Variants in CHD7 observed in about 807,000 individuals in gnomAD.
CHD7 encodes chromodomain helicase DNA binding protein 7.
A neutral mutation model predicts 307.3 loss-of-function variants in CHD7; 24 were observed. The observed-to-expected ratio is 0.08, with a 90% CI of 0.06 to 0.11. The LOEUF (loss-of-function observed/expected upper bound fraction) is 0.11, where lower values mean the gene tolerates loss of function less well. Among genes scored for constraint, CHD7 ranks in the 10% least tolerant of loss-of-function variants. The pLI, the probability that CHD7 is intolerant of heterozygous loss-of-function variation, is 1.00. For missense variants in CHD7, 3,106 were observed against 3,727.1 expected (o/e 0.83, Z 4.34); for synonymous variants, 1,363 against 1,349.9 (o/e 1.01, Z -0.21).
At chr8:60,793,933 A>G (rs575297314) in intron 3 of CHD7, among the ~76,000 whole-genome samples, 16 of 152,224 alleles carry the variant, frequency 1.1e-4, no homozygotes, top group African/African-American at 3.9e-4. Flanking sequence ...GACCAGCATG[A>G]CCAACATGGT....
chr8:60,719,419 G>C (rs778533492), intron 1 of CHD7, among the ~76,000 whole-genome samples: 2 of 152,086 alleles, frequency 1.3e-5, no homozygotes, highest in African/African-American at 2.4e-5. Context: ...TATTTGAAAC[G>C]TGTGGGGGCT....
intron 2 of CHD7, among the ~76,000 whole-genome samples, chr8:60,746,956 T>C (rs1809357681): frequency 6.6e-6 from 1 of 152,240 alleles, no homozygotes. Context: ...ATCTCAGACC[T>C]CTACACATTC....
chr8:60,862,522 A>G, intron 36 of CHD7, 26 bp from the exon 37 acceptor site: 1 of 1,546,918 alleles, frequency 6.5e-7, no homozygotes, highest in Non-Finnish European at 8.8e-7. Flanking sequence ...TGTGTTTTTA[A>G]TCATTTGTCA....
chr8:60,841,586 T>G, intron 19 of CHD7, 58 bp from the exon 20 acceptor site: 2 of 1,353,454 alleles, frequency 1.5e-6, no homozygotes, highest in Non-Finnish European at 2.1e-6. Context: ...AAAAGCTGCT[T>G]TACATTCTGC....
At chr8:60,806,021 C>CT (rs922314364) in intron 6 of CHD7, among the ~76,000 whole-genome samples, 28 of 152,170 alleles carry the variant, frequency 1.8e-4, no homozygotes, top group African/African-American at 6.7e-4. Flanking sequence ...CATCTACCAT[C>CT]TTTTTGTCTT....
chr8:60,835,435 G>T (rs1804699142), intron 15 of CHD7, among the ~76,000 whole-genome samples: 1 of 152,142 alleles, frequency 6.6e-6, no homozygotes, highest in Non-Finnish European at 1.5e-5. Flanking sequence ...TAGAATTTTT[G>T]TATCTTAGGA....
intron 1 of CHD7, among the ~76,000 whole-genome samples, chr8:60,706,575 A>C (rs1325224096): frequency 6.6e-6 from 1 of 152,190 alleles, no homozygotes; most frequent in Non-Finnish European, 1.5e-5. Flanking sequence ...TAATTATTGA[A>C]TACTCAGAAG....
chr8:60,764,416 G>A (rs1810370932), intron 2 of CHD7, among the ~76,000 whole-genome samples: 1 of 152,156 alleles, frequency 6.6e-6, no homozygotes, highest in Admixed American at 6.5e-5. Context: ...ACTGCTACTG[G>A]AAAATGTCTG....
chr8:60,858,479 ACTT>A (rs1454362716), intron 34 of CHD7, among the ~76,000 whole-genome samples: 1 of 152,156 alleles, frequency 6.6e-6, no homozygotes, highest in African/African-American at 2.4e-5. Context: ...GTTTGAAACT[ACTT>A]CTTTGATAGA....
chr8:60,699,106 T>A (rs1806632548), intron 1 of CHD7, among the ~76,000 whole-genome samples: 1 of 152,240 alleles, frequency 6.6e-6, no homozygotes, highest in South Asian at 2.1e-4. Context: ...TAGTGAACAG[T>A]ATGCAACTTG....
intron 7 of CHD7, among the ~76,000 whole-genome samples, chr8:60,812,888 C>A (rs577416955): frequency 1.3e-5 from 2 of 151,906 alleles, no homozygotes; most frequent in African/African-American, 4.8e-5. Context: ...AGTAGCTTTT[C>A]TGTTTTATTG....
Position 60,742,044 on chromosome 8 carries a change from T to G in CHD7, c.612T>G (p.Gly204=). The stretch of plus-strand genomic sequence containing the variant: ...GGGATTTTTCCATGCAGCAGCATGG[T>G]CAGCCACAGCAGAGGATGAGCCAGT... ...ARGDFSMQQH[G]QPQQRMSQFS... The change falls in exon 2 of 38, where the codon GGT becomes GGG. Residue 204 remains glycine, a synonymous_variant. Coordinates refer to ENST00000423902, the MANE Select transcript of CHD7 (RefSeq NM_017780.4). The G allele has an allele frequency of 6.2e-7, 1 of 1,613,848 alleles. No homozygotes were observed. The highest frequency in any genetic ancestry group is 8.5e-7 in the Non-Finnish European group (1 of 1,179,868).
At chr8:60,852,405 C>T in intron 29 of CHD7, 93 bp from the exon 30 acceptor site, 2 of 1,347,448 alleles carry the variant, frequency 1.5e-6, no homozygotes, top group African/African-American at 1.5e-5. Flanking sequence ...AAATAACTAC[C>T]ATGTATAAAG....
In CHD7 at chr8:60,792,163, A is replaced by G. The variant is rs1811806998; in HGVS notation, c.2097-2823A>G. On this transcript the variant is annotated intron_variant, in intron 3 of 37. Transcript: ENST00000423902. ...CCTATAAATGACAGTTCGAACTGGA[A>G]CTAAGGTTTGTCTTGACTCATATCA... is the stretch of plus-strand genomic sequence containing the variant. Among the ~76,000 whole-genome samples the G allele has an allele frequency of 2.0e-5, 3 of 152,294 alleles. No homozygotes were observed. The South Asian group carries it at 6.2e-4, about 32-fold the overall frequency.
chr8:60,838,430 G>C (rs1239786085), intron 19 of CHD7, among the ~76,000 whole-genome samples, 175 bp downstream of exon 19: 2 of 152,168 alleles, frequency 1.3e-5, no homozygotes, highest in African/African-American at 4.8e-5. Flanking sequence ...TATCTTCTGT[G>C]TACCTGCCAC....
chr8:60,722,216 G>T (rs1022679812), intron 1 of CHD7, among the ~76,000 whole-genome samples: 1 of 152,128 alleles, frequency 6.6e-6, no homozygotes, highest in African/African-American at 2.4e-5. Context: ...TACAGTATCT[G>T]TGGCTCCTTT....
intron 21 of CHD7, among the ~76,000 whole-genome samples, chr8:60,842,645 T>C (rs1805023778): frequency 6.6e-6 from 1 of 152,112 alleles, no homozygotes; most frequent in South Asian, 2.1e-4. Flanking sequence ...TCTGAATTGG[T>C]CAATAAGAGT....
intron 1 of CHD7, among the ~76,000 whole-genome samples, chr8:60,712,918 G>T (rs1807354531): frequency 1.3e-5 from 2 of 151,844 alleles, no homozygotes; most frequent in South Asian, 4.2e-4. Context: ...GGGTGTGGTG[G>T]TGTGTGGCTG....
At chr8:60,739,665 G>A (rs909221987) in intron 1 of CHD7, among the ~76,000 whole-genome samples, 5 of 152,188 alleles carry the variant, frequency 3.3e-5, no homozygotes, top group African/African-American at 1.2e-4. Context: ...CAGGTGTTAT[G>A]TCTGTAGTTC....
Sources: gnomAD v4.1 joint callset for allele counts (sites outside exome capture counted in the v4.1 genomes callset) on GRCh38, gnomAD v4.1.1 for gene constraint, MANE v1.5 for transcripts, NCBI Gene and HGNC (gene_info 2026-07-23, HGNC 2026-07-21) for gene names.